Variants in ADGRB3 observed in about 807,000 individuals in gnomAD.
ADGRB3 encodes the protein brain-specific angiogenesis inhibitor 3.
In ADGRB3, 37 loss-of-function variants were observed where a neutral mutation model predicts 193.4. The observed-to-expected ratio is 0.19, with a 90% CI of 0.15 to 0.25. ADGRB3 has a LOEUF of 0.25. Ranked by LOEUF, ADGRB3 falls within the 10% of genes least tolerant of loss-of-function variation. The pLI is 1.00. For missense variants in ADGRB3, 1,637 were observed against 1,852.9 expected, an observed-to-expected ratio of 0.88 and a Z score of 2.14; for synonymous variants, 690 against 644.2, an observed-to-expected ratio of 1.07 and a Z score of -1.08.
intron 3 of ADGRB3, among the ~76,000 whole-genome samples, chr6:68,645,253 T>A (rs1768181716): frequency 6.6e-6 from 1 of 152,156 alleles, no homozygotes; most frequent in Non-Finnish European, 1.5e-5. Flanking sequence ...TTATAATGGC[T>A]ACTACTCTAT....
intron 15 of ADGRB3, among the ~76,000 whole-genome samples, chr6:69,050,175 G>A (rs749664458): frequency 6.6e-5 from 10 of 152,022 alleles, no homozygotes; most frequent in African/African-American, 1.2e-4. Flanking sequence ...GTTATACTGC[G>A]GACAAAACAA....
At chr6:69,256,386 T>C (rs974874322) in intron 20 of ADGRB3, among the ~76,000 whole-genome samples, 7 of 152,128 alleles carry the variant, frequency 4.6e-5, no homozygotes, top group Non-Finnish European at 7.4e-5. Context: ...CCTTGAGCAG[T>C]GGTTTGTAGT....
intron 10 of ADGRB3, among the ~76,000 whole-genome samples, chr6:68,988,353 G>C (rs985119819): frequency 1.3e-5 from 2 of 152,102 alleles, no homozygotes; most frequent in Non-Finnish European, 2.9e-5. Context: ...TTAATGAGAG[G>C]ATTTTGGGAG....
At chr6:69,183,680 T>C (rs550231177) in intron 17 of ADGRB3, among the ~76,000 whole-genome samples, 6 of 152,212 alleles carry the variant, frequency 3.9e-5, no homozygotes, top group African/African-American at 1.4e-4. Flanking sequence ...AAAATAAAAG[T>C]AAATCCATAT....
chr6:68,782,722 A>G (rs1222664913), intron 3 of ADGRB3, among the ~76,000 whole-genome samples: 1 of 152,138 alleles, frequency 6.6e-6, no homozygotes, highest in Non-Finnish European at 1.5e-5. Context: ...TCTGATGGCC[A>G]GTGATGATGA....
At chr6:69,049,905 C>A (rs868729552) in intron 15 of ADGRB3, among the ~76,000 whole-genome samples, 5 of 152,188 alleles carry the variant, frequency 3.3e-5, no homozygotes, top group Middle Eastern at 3.4e-3. Context: ...AAAGCAATTA[C>A]AAATAGTAAT....
At chr6:69,212,826 G>A (rs1339009536) in intron 17 of ADGRB3, among the ~76,000 whole-genome samples, 1 of 152,142 alleles carries the variant, frequency 6.6e-6, no homozygotes, top group African/African-American at 2.4e-5. Context: ...CTTGTTTATT[G>A]TAGAACTTTC....
chr6:69,375,953 A>G (rs1449878849), intron 30 of ADGRB3, among the ~76,000 whole-genome samples: 1 of 152,016 alleles, frequency 6.6e-6, no homozygotes, highest in Admixed American at 6.6e-5. Flanking sequence ...AAAACAAAGT[A>G]AAAACAAACA....
chr6:68,952,376 G>T (rs1767951885), intron 6 of ADGRB3, among the ~76,000 whole-genome samples: 1 of 151,880 alleles, frequency 6.6e-6, no homozygotes, highest in Non-Finnish European at 1.5e-5. Context: ...TATTACATGT[G>T]TGTTTATATA....
At chr6:69,169,967 C>T (rs908540660) in intron 17 of ADGRB3, among the ~76,000 whole-genome samples, 2 of 152,114 alleles carry the variant, frequency 1.3e-5, no homozygotes, top group Admixed American at 1.3e-4. Flanking sequence ...CTCTTGGAAC[C>T]TAACAATTCT....
chr6:68,849,429 A>G (rs1354701732), intron 3 of ADGRB3, among the ~76,000 whole-genome samples: 4 of 152,032 alleles, frequency 2.6e-5, no homozygotes, highest in African/African-American at 4.8e-5. Flanking sequence ...ATGCATGCAC[A>G]TAAGTGTTAA....
chr6:68,821,044 T>A (rs1452453377), intron 3 of ADGRB3, among the ~76,000 whole-genome samples: 1 of 152,058 alleles, frequency 6.6e-6, no homozygotes, highest in Non-Finnish European at 1.5e-5. Context: ...ACCAATCGTT[T>A]ACCCAGGATG....
At chr6:69,083,499 G>T (rs1199752521) in intron 17 of ADGRB3, among the ~76,000 whole-genome samples, 1 of 152,136 alleles carries the variant, frequency 6.6e-6, no homozygotes, top group Non-Finnish European at 1.5e-5. Context: ...AGACTTAGAT[G>T]TGGGAGGGGC....
intron 13 of ADGRB3, among the ~76,000 whole-genome samples, chr6:69,047,278 C>A (rs1771264667): frequency 6.6e-6 from 1 of 151,908 alleles, no homozygotes. Flanking sequence ...GTGGACCTAT[C>A]CAAAAGTTTT....
chr6:69,334,736 A>G (rs998985400), intron 24 of ADGRB3, among the ~76,000 whole-genome samples: 14 of 152,210 alleles, frequency 9.2e-5, no homozygotes, highest in Admixed American at 1.3e-4. Context: ...TGCTGCTAGT[A>G]GTATAAACTT....
intron 17 of ADGRB3, among the ~76,000 whole-genome samples, chr6:69,085,939 A>G (rs1330634466): frequency 1.3e-5 from 2 of 151,972 alleles, no homozygotes; most frequent in East Asian, 3.8e-4. Flanking sequence ...TTTGGAGACC[A>G]TTGAGGAAAA....
At chr6:68,782,833 C>T (rs1582197287) in intron 3 of ADGRB3, among the ~76,000 whole-genome samples, 1 of 143,116 alleles carries the variant, frequency 7.0e-6, no homozygotes, top group South Asian at 2.1e-4. Flanking sequence ...TGTTTTTTTT[C>T]TTGTAAATTT....
intron 3 of ADGRB3, among the ~76,000 whole-genome samples, chr6:68,888,046 G>T (rs1765958329): frequency 6.6e-6 from 1 of 152,080 alleles, no homozygotes; most frequent in South Asian, 2.1e-4. Flanking sequence ...CAAAATCTTA[G>T]TTACTTAAAG....
At chr6:69,367,749 T>A (rs928324941) in intron 29 of ADGRB3, among the ~76,000 whole-genome samples, 4 of 151,972 alleles carry the variant, frequency 2.6e-5, no homozygotes, top group African/African-American at 9.7e-5. Flanking sequence ...CCAACCCAAA[T>A]GTCCAACAAT....
Sources: allele counts gnomAD v4.1 joint callset (sites outside exome capture counted in the v4.1 genomes callset), GRCh38; gene constraint gnomAD v4.1.1; transcripts MANE v1.5; gene names NCBI Gene and HGNC (gene_info 2026-07-23, HGNC 2026-07-21).